The following OSCP1 variants were observed in gnomAD, a reference collection of about 807,000 sequenced individuals.
OSCP1 encodes organic solute carrier partner 1.
A neutral mutation model predicts 45.1 loss-of-function variants in OSCP1; 35 were observed. That is an observed-to-expected ratio of 0.78 (90% CI 0.59 to 1.03). OSCP1 has a LOEUF of 1.03. OSCP1 is among the 50% of genes least tolerant of loss of function. The pLI is 0.00. For synonymous variants in OSCP1, 179 were observed against 180.1 expected, an observed-to-expected ratio of 0.99 and a Z score of 0.05; for missense variants, 400 against 470.7, an observed-to-expected ratio of 0.85 and a Z score of 1.39.
intron 1 of OSCP1, among the ~76,000 whole-genome samples, chr1:36,440,190 A>G (rs765158057): frequency 6.6e-5 from 10 of 152,266 alleles, no homozygotes; most frequent in Non-Finnish European, 1.2e-4. Context: ...TCTTTAGAGC[A>G]GAGGCAAGGT....
intron 1 of OSCP1, among the ~76,000 whole-genome samples, chr1:36,441,815 G>A (rs1000844668): frequency 2.7e-5 from 4 of 150,206 alleles, no homozygotes; most frequent in African/African-American, 9.8e-5. Flanking sequence ...TAACATCCCT[G>A]AAGAAATAGT....
intron 4 of OSCP1, among the ~76,000 whole-genome samples, chr1:36,424,610 G>A (rs1376552879): frequency 1.3e-5 from 2 of 152,202 alleles, no homozygotes; most frequent in Non-Finnish European, 2.9e-5. Flanking sequence ...GGACTAGAAA[G>A]AAGGATGGGG....
rs78962065 is a variant in OSCP1 at position 36,427,125 on chromosome 1, C to T, written c.517-3659G>A. Reference sequence around the variant, plus strand: ...AAGCGATTCTCCTGCCTCAGCCTCCCGAGTAGCTGGGATTACAGGCGCCCG... The same window carrying T: ...AAGCGATTCTCCTGCCTCAGCCTCCTGAGTAGCTGGGATTACAGGCGCCCG... On this transcript the variant is annotated intron_variant, in intron 4 of 9. Coordinates refer to ENST00000235532, the MANE Select transcript of OSCP1 (RefSeq NM_145047.5). Among the ~76,000 whole-genome samples, 7 of 151,854 alleles carry T rather than the reference C, an allele frequency of 4.6e-5. No homozygotes were observed. The South Asian group carries it at 1.0e-3, about 23-fold the overall frequency.
chr1:36,420,584 T>G lies in OSCP1; in HGVS notation c.851A>C (p.Glu284Ala). Residue 284 changes from glutamate to alanine, a missense_variant, in exon 8 of 10, where the codon GAA (glutamate) becomes GCA (alanine). By Grantham distance (107) the Glu-to-Ala change is moderately radical. Coordinates refer to ENST00000235532, the MANE Select transcript of OSCP1 (RefSeq NM_145047.5). ...CAGCCTGGCCAAGAAATTCAGCTCT[T>G]CTTTAGCAAGAGGGTTTGGAGCAAT... ...ESIAPNPLAKEELNFLARLMG... is the reference protein window; with the variant it reads ...ESIAPNPLAKAELNFLARLMG... 1 of 1,614,166 alleles carries G rather than the reference T, an allele frequency of 6.2e-7. No individual in the cohort carries two copies. The highest frequency in any genetic ancestry group is 1.1e-5 in the South Asian group (1 of 91,076).
chr1:36,437,016 C>T (rs1648791042), intron 2 of OSCP1, among the ~76,000 whole-genome samples: 1 of 152,174 alleles, frequency 6.6e-6, no homozygotes, highest in African/African-American at 2.4e-5. Context: ...CACATCATGT[C>T]AGGGTACATA....
At position 36,419,675 on chromosome 1, in the gene OSCP1, C is replaced by G. The variant is rs113544657; in HGVS notation, c.960-621G>C. Among the ~76,000 whole-genome samples, 527 of 152,280 alleles carry G rather than the reference C, an allele frequency of 3.5e-3. 5 individuals carry two copies. Among genetic ancestry groups the G allele is most frequent in the African/African-American group, 0.012 (485 of 41,552 alleles). ...CTATTGCTGTTGGTTTTGGGTTATA[C>G]TGTCTAATACAGGGAAATCAAGCTC... is the stretch of plus-strand genomic sequence containing the variant. On this transcript the variant is annotated intron_variant, in intron 8 of 9. Coordinates refer to ENST00000235532, the MANE Select transcript of OSCP1 (RefSeq NM_145047.5).
At chr1:36,427,380 C>T (rs1460655640) in intron 4 of OSCP1, among the ~76,000 whole-genome samples, 2 of 147,566 alleles carry the variant, frequency 1.4e-5, no homozygotes, top group South Asian at 2.2e-4. Flanking sequence ...TTACTGCAGC[C>T]TTGAAATCCT....
intron 1 of OSCP1, among the ~76,000 whole-genome samples, chr1:36,439,173 C>T (rs1648961568): frequency 6.6e-6 from 1 of 152,206 alleles, no homozygotes; most frequent in Non-Finnish European, 1.5e-5. Flanking sequence ...TTATAAACTC[C>T]TTATATAAAT....
chr1:36,441,246 G>A (rs1649127485), intron 1 of OSCP1, among the ~76,000 whole-genome samples: 1 of 152,040 alleles, frequency 6.6e-6, no homozygotes, highest in Non-Finnish European at 1.5e-5. Flanking sequence ...CCCTCTTCTC[G>A]TTTCACTCTT....
chr1:36,439,116 G>C (rs1005417127), intron 1 of OSCP1: 4 of 445,742 alleles, frequency 9.0e-6, no homozygotes, highest in Non-Finnish European at 1.2e-5. Flanking sequence ...ACCATTTCAG[G>C]GAAGACATAA....
chr1:36,422,337 G>T, intron 6 of OSCP1, 118 bp from the exon 7 acceptor site: 1 of 950,646 alleles, frequency 1.1e-6, no homozygotes, highest in Non-Finnish European at 1.7e-6. Context: ...CCAGAAAGGT[G>T]CTGTGGGTAC....
intron 2 of OSCP1, among the ~76,000 whole-genome samples, chr1:36,437,507 ATTGT>A (rs1423033580): frequency 6.6e-6 from 1 of 151,894 alleles, no homozygotes; most frequent in African/African-American, 2.4e-5. Context: ...CTTTTTAAAA[ATTGT>A]TTATTTATTT....
intron 2 of OSCP1, among the ~76,000 whole-genome samples, chr1:36,435,854 G>A (rs1404732593): frequency 2.0e-5 from 3 of 151,874 alleles, no homozygotes; most frequent in Non-Finnish European, 4.4e-5. Context: ...GGATGGTCTC[G>A]ATCTCTTGAC....
chr1:36,418,375 T>C (rs578081024), intron 9 of OSCP1, 120 bp from the exon 10 acceptor site: 1 of 791,688 alleles, frequency 1.3e-6, no homozygotes, highest in Non-Finnish European at 2.1e-6. Flanking sequence ...CGCACCTGTT[T>C]GTCAGAAAAG....
In OSCP1 at chr1:36,438,770, C is replaced by T. The variant is rs1326122701; in HGVS notation, c.253G>A (p.Ala85Thr). 6.2e-7 allele frequency: 1 copy of T among 1,611,478 alleles called. No individual in the cohort carries two copies. The highest frequency in any genetic ancestry group is 8.5e-7 in the Non-Finnish European group (1 of 1,178,960). The part of the protein sequence containing the change: ...AHASIMKLNQ[A>T]SMDKLYDLMT... Reference sequence around the variant, plus strand: ...TGTCTGCTCACCTTATCCATGCTGGCCTGGTTCAGTTTCATAATGGAGGCA... The same window carrying T: ...TGTCTGCTCACCTTATCCATGCTGGTCTGGTTCAGTTTCATAATGGAGGCA... The change falls in exon 2 of 10, where the codon GCC (alanine) becomes ACC (threonine). Residue 85 changes from alanine (A) to threonine (T), a missense_variant. Ala to Thr is a moderately conservative substitution (Grantham distance 58). Coordinates refer to ENST00000235532, the MANE Select transcript of OSCP1 (RefSeq NM_145047.5).
In OSCP1 at chr1:36,418,241, G is replaced by T; in HGVS notation, c.1038C>A (p.Ser346Arg). 6.2e-7 allele frequency: 1 copy of T among 1,614,070 alleles called. No individual in the cohort carries two copies. The highest frequency in any genetic ancestry group is 8.5e-7 in the Non-Finnish European group (1 of 1,179,988). The change falls in exon 10 of 10, where the codon AGC becomes AGA. Residue 346 changes from serine (S) to arginine (R), a missense_variant. Transcript: ENST00000235532. ...CCCCCATGATTCGAGCCAGCTCCTC[G>T]CTCCGTTGCTGGTCCTATGAGGGAA... ...NIQATQDQQR[S>R]EELARIMGEF...
At chr1:36,434,731 C>G (rs1648597344) in intron 2 of OSCP1, among the ~76,000 whole-genome samples, 2 of 115,280 alleles carry the variant, frequency 1.7e-5, no homozygotes, top group Non-Finnish European at 3.3e-5. Flanking sequence ...GCCTGGGTGA[C>G]AGAGTGAGAC....
chr1:36,449,504 C>A (rs16823025), intron 1 of OSCP1, among the ~76,000 whole-genome samples: 15,635 of 152,066 alleles, frequency 0.1, 956 homozygotes, highest in East Asian at 0.29. Flanking sequence ...AGACCAATCT[C>A]CAGCTTATGT....
At chr1:36,425,198 A>G (rs546173597) in intron 4 of OSCP1, among the ~76,000 whole-genome samples, 1 of 151,656 alleles carries the variant, frequency 6.6e-6, no homozygotes, top group Admixed American at 6.6e-5. Flanking sequence ...AATGGAAAGA[A>G]TAAGCATTTG....
Sources: allele counts gnomAD v4.1 joint callset (sites outside exome capture counted in the v4.1 genomes callset), GRCh38; gene constraint gnomAD v4.1.1; transcripts MANE v1.5; gene names NCBI Gene and HGNC (gene_info 2026-07-23, HGNC 2026-07-21).